DNAH3: variants seen among roughly 807,000 people sequenced by gnomAD.
DNAH3 encodes the protein axonemal beta dynein heavy chain 3.
DNAH3 carries 332 observed loss-of-function variants against 432.5 expected under a neutral mutation model. The observed-to-expected ratio is 0.77, with a 90% confidence interval of 0.70 to 0.84. The LOEUF (loss-of-function observed/expected upper bound fraction) is 0.84, where lower values mean the gene tolerates loss of function less well. Among genes scored for constraint, DNAH3 ranks in the 40% least tolerant of loss-of-function variants. The probability of loss-of-function intolerance (pLI) is 0.00; values close to 1 mark genes in which losing one functional copy is unlikely to be tolerated. For synonymous variants in DNAH3, 1,956 were observed against 1,900.2 expected (o/e 1.03, Z -0.76); for missense variants, 4,861 against 5,114.0 (o/e 0.95, Z 1.51).
intron 51 of DNAH3, 96 bp downstream of exon 51, chr16:20,975,137 A>T (rs1365434086): frequency 1.4e-6 from 2 of 1,452,634 alleles, no homozygotes; most frequent in East Asian, 2.3e-5. Flanking sequence ...AGCCTTGCCT[A>T]CCCTTTCTGA....
At chr16:21,124,106 T>C (rs575670263) in intron 9 of DNAH3, among the ~76,000 whole-genome samples, 2 of 152,258 alleles carry the variant, frequency 1.3e-5, no homozygotes, top group African/African-American at 4.8e-5. Context: ...TTTTTAGTTT[T>C]CATTTTGACT....
chr16:20,997,649 C>T (rs1414316370), intron 43 of DNAH3, among the ~76,000 whole-genome samples, 187 bp from the exon 44 acceptor site: 1 of 152,036 alleles, frequency 6.6e-6, no homozygotes, highest in Non-Finnish European at 1.5e-5. Context: ...TCTGGGCTCT[C>T]CTGCCTCATT....
intron 24 of DNAH3, among the ~76,000 whole-genome samples, chr16:21,064,413 C>G (rs1463977184): frequency 6.6e-6 from 1 of 152,146 alleles, no homozygotes; most frequent in Non-Finnish European, 1.5e-5. Flanking sequence ...AATCTGCCAA[C>G]CTAGAGAATT....
chr16:21,089,740 C>T (rs1187405179), intron 18 of DNAH3, among the ~76,000 whole-genome samples: 1 of 151,610 alleles, frequency 6.6e-6, no homozygotes, highest in Non-Finnish European at 1.5e-5. Flanking sequence ...ATAAATCATC[C>T]AAGTTTCTAC....
chr16:21,139,635 C>G (rs1241882624), intron 5 of DNAH3, among the ~76,000 whole-genome samples: 1 of 151,708 alleles, frequency 6.6e-6, no homozygotes, highest in Admixed American at 6.6e-5. Flanking sequence ...TGGTACCATA[C>G]CCAGCTAATT....
At chr16:21,020,397 A>ATTTTTTTTT (rs56049638) in intron 40 of DNAH3, among the ~76,000 whole-genome samples, 1 of 34,594 alleles carries the variant, frequency 2.9e-5, no homozygotes, top group East Asian at 1.7e-3. Flanking sequence ...ATATATATAT[A>ATTTTTTTTT]TTTTTTTTTT....
chr16:21,034,006 A>C, exon 36 of DNAH3: 1 of 1,613,704 alleles, frequency 6.2e-7, no homozygotes, highest in Non-Finnish European at 8.5e-7. Flanking sequence ...TGCAGCCAAC[A>C]CTTTATAAGC....
At chr16:20,979,084 A>G (rs2085734206) in intron 50 of DNAH3, among the ~76,000 whole-genome samples, 1 of 152,166 alleles carries the variant, frequency 6.6e-6, no homozygotes, top group Non-Finnish European at 1.5e-5. Flanking sequence ...TAAATAATAC[A>G]TTATTGCAAT....
chr16:21,050,803 T>C, intron 29 of DNAH3, among the ~76,000 whole-genome samples: 1 of 152,200 alleles, frequency 6.6e-6, no homozygotes, highest in East Asian at 1.9e-4. Context: ...CCTCAGTAAA[T>C]TAATACAGCT....
chr16:20,985,310 G>A (rs2086135864), exon 48 of DNAH3: 4 of 1,614,218 alleles, frequency 2.5e-6, no homozygotes, highest in Non-Finnish European at 3.4e-6. Flanking sequence ...CCGACCTGCA[G>A]TATGATCTTC....
intron 43 of DNAH3, among the ~76,000 whole-genome samples, chr16:20,998,714 C>G (rs1444221223): frequency 1.4e-5 from 2 of 140,194 alleles, no homozygotes; most frequent in African/African-American, 5.5e-5. Context: ...TGCACTCCAG[C>G]CTGGGGGACA....
rs113859356 is a variant in DNAH3, at chr16:20,959,058, C to G, written c.10826+121G>C. The G allele has an allele frequency of 3.4e-5, 35 of 1,025,274 alleles. 1 individual carries two copies. In the African/African-American group the frequency reaches 3.5e-4, roughly 10 times the overall value. The allele number at this position is 1,025,274 out of a possible 1,614,324, so 63.5% of individuals were successfully genotyped here. ...GCTGGGATTACAGACATGAGCCACC[C>G]TGCCTGGCCTAGACTGAAAGTTTCT... On this transcript the variant is annotated intron_variant, in intron 54 of 61. Transcript: ENST00000261383.
At chr16:20,985,196 T>C in exon 48 of DNAH3, 1 of 1,614,188 alleles carries the variant, frequency 6.2e-7, no homozygotes, top group Non-Finnish European at 8.5e-7. Flanking sequence ...GGGAAGATGT[T>C]AGGCACGTCA....
chr16:20,970,467 T>G (rs1432291782), intron 51 of DNAH3, among the ~76,000 whole-genome samples: 1 of 152,186 alleles, frequency 6.6e-6, no homozygotes, highest in East Asian at 1.9e-4. Context: ...GAGGTTGCAG[T>G]GAGCTGAGAT....
intron 61 of DNAH3, 93 bp downstream of exon 61, chr16:20,935,255 T>C: frequency 6.7e-7 from 1 of 1,502,098 alleles, no homozygotes; most frequent in South Asian, 1.2e-5. Context: ...ATTTGGGTCT[T>C]AACACATCCA....
chr16:21,096,040 G>GCAA (rs2091668086), intron 18 of DNAH3, among the ~76,000 whole-genome samples: 3 of 152,096 alleles, frequency 2.0e-5, no homozygotes, highest in African/African-American at 7.2e-5. Context: ...AAAGTGCTGG[G>GCAA]ATTACAGGTA....
intron 32 of DNAH3, among the ~76,000 whole-genome samples, chr16:21,041,640 C>T (rs947396218): frequency 2.0e-5 from 3 of 152,158 alleles, no homozygotes; most frequent in African/African-American, 7.2e-5. Context: ...AATTTACCCC[C>T]AGGTAGGTAC....
intron 54 of DNAH3, among the ~76,000 whole-genome samples, chr16:20,958,047 C>T (rs1338436687): frequency 1.3e-5 from 2 of 150,066 alleles, no homozygotes; most frequent in East Asian, 2.0e-4. Context: ...GGAGGCAGGA[C>T]AAATGATACC....
chr16:21,088,528 A>G (rs2091446486), intron 18 of DNAH3, among the ~76,000 whole-genome samples: 1 of 152,214 alleles, frequency 6.6e-6, no homozygotes, highest in Non-Finnish European at 1.5e-5. Context: ...ACAAATTTAT[A>G]TCTACAACAA....
Sources: gnomAD v4.1 joint callset for allele counts (sites outside exome capture counted in the v4.1 genomes callset) on GRCh38, gnomAD v4.1.1 for gene constraint, MANE v1.5 for transcripts, NCBI Gene and HGNC (gene_info 2026-07-23, HGNC 2026-07-21) for gene names.